Variants in EML5 observed in about 807,000 individuals in gnomAD.
EML5 encodes the protein EMAP like 5, also known as echinoderm microtubule-associated protein-like 5.
EML5 carries 120 observed loss-of-function variants against 250.0 expected under a neutral mutation model. The ratio of observed to expected loss-of-function variants is 0.48; its 90% CI spans 0.41 to 0.56. The LOEUF is 0.56. Ranked by LOEUF, EML5 falls within the 20% of genes least tolerant of loss-of-function variation. The pLI is 0.00. For synonymous variants in EML5, 771 were observed against 806.5 expected (o/e 0.96, Z 0.75); for missense variants, 2,006 against 2,437.6 (o/e 0.82, Z 3.73).
chr14:88,778,892 T>G (rs755583670), intron 1 of EML5, among the ~76,000 whole-genome samples: 1 of 152,260 alleles, frequency 6.6e-6, no homozygotes, highest in African/African-American at 2.4e-5. Context: ...GGATTTCATT[T>G]TTGGGCTTCT....
At chr14:88,679,055 C>G (rs1030075010) in intron 21 of EML5, among the ~76,000 whole-genome samples, 1 of 151,618 alleles carries the variant, frequency 6.6e-6, no homozygotes, top group Non-Finnish European at 1.5e-5. Context: ...CACTCCAATC[C>G]TCTGCTTCCA....
chr14:88,768,539 T>G (rs1159399877), intron 1 of EML5, among the ~76,000 whole-genome samples: 1 of 151,866 alleles, frequency 6.6e-6, no homozygotes, highest in Non-Finnish European at 1.5e-5. Context: ...GCCTCCTGAG[T>G]AGCTGGAATT....
chr14:88,699,619 A>G (rs1039814894), intron 14 of EML5, among the ~76,000 whole-genome samples: 1 of 152,204 alleles, frequency 6.6e-6, no homozygotes, highest in Non-Finnish European at 1.5e-5. Flanking sequence ...ACCAATGGCT[A>G]TAGTAATGTT....
At chr14:88,698,907 A>G (rs1362737249) in intron 14 of EML5, among the ~76,000 whole-genome samples, 2 of 152,094 alleles carry the variant, frequency 1.3e-5, no homozygotes, top group African/African-American at 4.8e-5. Context: ...AATCACAACA[A>G]CTCTACGAGA....
Position 88,729,883 on chromosome 14 carries a change from G to GT in EML5, c.1050-3206dup, listed in dbSNP as rs1187282389. 1.6e-3 allele frequency among the ~76,000 whole-genome samples: 217 copies of GT among 136,710 alleles called. 2 individuals carry two copies. Among genetic ancestry groups the GT allele is most frequent in the African/African-American group, 5.7e-3 (211 of 37,044 alleles). 89.7% of individuals were successfully genotyped at this position (136,710 alleles called of 152,430 possible). A position where few individuals can be genotyped will look rare whatever the true frequency, so the allele number is the denominator to read the frequency against. On this transcript the variant is annotated intron_variant, in intron 7 of 43. Transcript: ENST00000554922. ...GTCTTGTTTTTTGTTTTTTTTTTTTGTTTTTTTAATGTATTGTCTATGGCT... is the reference window on the plus strand; with the variant it reads ...GTCTTGTTTTTTGTTTTTTTTTTTTGTTTTTTTTAATGTATTGTCTATGGCT...
chr14:88,716,158 C>T (rs1340904089), intron 8 of EML5, among the ~76,000 whole-genome samples: 1 of 152,112 alleles, frequency 6.6e-6, no homozygotes. Flanking sequence ...AATTAATCTT[C>T]AGTTGTATTT....
chr14:88,702,491 G>T lies in EML5; in HGVS notation c.2193C>A (p.Leu731=). The T allele has an allele frequency of 6.2e-7, 1 of 1,613,450 alleles. No individual in the cohort carries two copies. Among genetic ancestry groups the T allele is most frequent in the South Asian group, 1.1e-5 (1 of 91,004 alleles). ...RFYLGHDDDI[L]CLTIHPLKDY... ...CTTTCAAAGGATGAATAGTTAGGCAGAGAATATCATCATCATGACCCAGAT... is the reference window on the plus strand; with the variant it reads ...CTTTCAAAGGATGAATAGTTAGGCATAGAATATCATCATCATGACCCAGAT... Residue 731 remains leucine, a synonymous_variant, in exon 14 of 44, where the codon CTC becomes CTA. Transcript: ENST00000554922.
intron 28 of EML5, 63 bp from the exon 29 acceptor site, chr14:88,647,018 T>C: frequency 1.4e-6 from 2 of 1,420,912 alleles, no homozygotes; most frequent in Non-Finnish European, 1.9e-6. Flanking sequence ...AAAACACTAG[T>C]GAAATACCTC....
intron 7 of EML5, among the ~76,000 whole-genome samples, chr14:88,729,635 C>A (rs1383021777): frequency 6.6e-6 from 1 of 151,936 alleles, no homozygotes. Flanking sequence ...TCTTAGTTCA[C>A]TGCAACCTCC....
At chr14:88,628,024 T>C (rs936151001) in intron 33 of EML5, 24 of 624,514 alleles carry the variant, frequency 3.8e-5, no homozygotes, top group Middle Eastern at 4.3e-4. Flanking sequence ...GGAAAATATA[T>C]AGAACACTTC....
chr14:88,787,911 T>C (rs533615638), intron 1 of EML5, among the ~76,000 whole-genome samples: 2 of 152,250 alleles, frequency 1.3e-5, no homozygotes, highest in East Asian at 1.9e-4. Flanking sequence ...TTAAGAATTC[T>C]AGGCATGGTG....
rs570553792 is a variant in EML5, at chr14:88,675,980, C to T, written c.3124+5910G>A. On this transcript the variant is annotated intron_variant, in intron 21 of 43. Coordinates refer to ENST00000554922, the MANE Select transcript of EML5 (RefSeq NM_183387.3). ...AGTTCCTCATCTCCATCTGAGACCACCTCAGCCTGGATTTCATTGCCTGTG... is the reference window on the plus strand; with the variant it reads ...AGTTCCTCATCTCCATCTGAGACCATCTCAGCCTGGATTTCATTGCCTGTG... Among the ~76,000 whole-genome samples, 5 of 152,312 alleles carry T rather than the reference C, an allele frequency of 3.3e-5. No homozygotes were observed. The East Asian group carries it at 9.6e-4, about 29-fold the overall frequency.
intron 21 of EML5, among the ~76,000 whole-genome samples, chr14:88,666,157 T>G (rs1441132858): frequency 2.0e-5 from 3 of 152,248 alleles, no homozygotes; most frequent in Non-Finnish European, 1.5e-5. Context: ...TGTGGAAGTT[T>G]TGCAGAGTAG....
At chr14:88,655,343 T>C (rs1322027671) in intron 27 of EML5, among the ~76,000 whole-genome samples, 2 of 152,128 alleles carry the variant, frequency 1.3e-5, no homozygotes, top group Non-Finnish European at 2.9e-5. Flanking sequence ...AACAATCTGA[T>C]CTTTGACAAA....
intron 27 of EML5, among the ~76,000 whole-genome samples, chr14:88,652,712 T>G (rs1013478542): frequency 5.9e-5 from 9 of 152,160 alleles, no homozygotes; most frequent in Non-Finnish European, 1.0e-4. Context: ...TTCTGGATCT[T>G]TTCCTTTTTT....
chr14:88,670,136 G>GA (rs2092417747), intron 21 of EML5, among the ~76,000 whole-genome samples: 1 of 151,640 alleles, frequency 6.6e-6, no homozygotes. Flanking sequence ...CCAAGATGGT[G>GA]AAACCCCATC....
intron 25 of EML5, among the ~76,000 whole-genome samples, chr14:88,660,765 A>G (rs1318428042): frequency 6.6e-6 from 1 of 151,942 alleles, no homozygotes; most frequent in Non-Finnish European, 1.5e-5. Flanking sequence ...GAAAAAAGAA[A>G]AAAAAAACTT....
intron 25 of EML5, 93 bp from the exon 26 acceptor site, chr14:88,658,481 T>G (rs913376983): frequency 1.9e-6 from 2 of 1,048,582 alleles, no homozygotes; most frequent in Non-Finnish European, 1.3e-6. Flanking sequence ...TAATTAAAAA[T>G]TAATCATTTC....
intron 1 of EML5, among the ~76,000 whole-genome samples, chr14:88,776,867 CA>C (rs1229797362): frequency 6.6e-6 from 1 of 151,986 alleles, no homozygotes; most frequent in Non-Finnish European, 1.5e-5. Context: ...GGTGACAGAG[CA>C]AGACCCCGTC....
Sources: allele counts gnomAD v4.1 joint callset (sites outside exome capture counted in the v4.1 genomes callset), GRCh38; gene constraint gnomAD v4.1.1; transcripts MANE v1.5; gene names NCBI Gene and HGNC (gene_info 2026-07-23, HGNC 2026-07-21).